TENM1: variants seen among roughly 807,000 people sequenced by gnomAD.
TENM1 encodes the protein teneurin-1.
In TENM1, 35 loss-of-function variants were observed where a neutral mutation model predicts 174.8. That is an observed-to-expected ratio of 0.20 (90% confidence interval 0.15 to 0.27). TENM1 has a LOEUF of 0.27. TENM1 is among the 10% of genes least tolerant of loss of function. The probability of loss-of-function intolerance (pLI) is 1.00; values close to 1 mark genes in which losing one functional copy is unlikely to be tolerated. For synonymous variants in TENM1, 781 were observed against 798.7 expected, an observed-to-expected ratio of 0.98 and a Z score of 0.37; for missense variants, 1,633 against 2,130.1, an observed-to-expected ratio of 0.77 and a Z score of 4.59.
At chrX:124,432,267 A>G (rs1054596241) in intron 23 of TENM1, among the ~76,000 whole-genome samples, 16 of 112,234 alleles carry the variant, frequency 1.4e-4, no homozygotes, top group African/African-American at 4.9e-4. Flanking sequence ...AAATTTGAAG[A>G]AGCTCAGACA....
At chrX:124,711,648 T>C (rs1182246608) in intron 4 of TENM1, among the ~76,000 whole-genome samples, 1 of 111,543 alleles carries the variant, frequency 9.0e-6, no homozygotes, top group Non-Finnish European at 1.9e-5. Context: ...TTGGATAGCA[T>C]AGTAGAATTT....
chrX:124,671,834 T>G (rs1250356564), exon 6 of TENM1: 2 of 1,209,194 alleles, frequency 1.7e-6, no homozygotes, highest in East Asian at 3.0e-5. Flanking sequence ...ACAAATGCAC[T>G]GCTGCAAGAG....
intron 8 of TENM1, among the ~76,000 whole-genome samples, chrX:124,649,953 G>A (rs1197385649): frequency 1.8e-5 from 2 of 110,573 alleles, no homozygotes; most frequent in African/African-American, 6.6e-5. Flanking sequence ...TGTAATCCCA[G>A]CAATTTGGGA....
chrX:124,616,575 G>C (rs1288821818), intron 11 of TENM1, among the ~76,000 whole-genome samples: 1 of 112,228 alleles, frequency 8.9e-6, no homozygotes, highest in Non-Finnish European at 1.9e-5. Flanking sequence ...TCCTCTTACA[G>C]AGCTTTAAGA....
intron 3 of TENM1, among the ~76,000 whole-genome samples, chrX:124,848,224 A>G (rs1425475470): frequency 9.0e-6 from 1 of 110,536 alleles, no homozygotes. Flanking sequence ...CTGAATGACT[A>G]CTCTAATTTA....
intron 6 of TENM1, among the ~76,000 whole-genome samples, chrX:124,666,243 T>A (rs1406643247): frequency 9.0e-6 from 1 of 111,497 alleles, no homozygotes; most frequent in Non-Finnish European, 1.9e-5. Flanking sequence ...CTTTTAGTAT[T>A]CTTTAGTTCT....
chrX:125,188,809 T>C, the TENM1 span, among the ~76,000 whole-genome samples: 1 of 112,251 alleles, frequency 8.9e-6, no homozygotes, highest in Non-Finnish European at 1.9e-5. Flanking sequence ...AACTGCCTGA[T>C]GTGCATTTTT....
intron 16 of TENM1, among the ~76,000 whole-genome samples, chrX:124,526,796 A>C (rs2047986999): frequency 8.9e-6 from 1 of 112,128 alleles, no homozygotes; most frequent in African/African-American, 3.2e-5. Flanking sequence ...TAAATGAATA[A>C]ACTTTTGCCT....
intron 18 of TENM1, among the ~76,000 whole-genome samples, chrX:124,518,880 T>G (rs1362183481): frequency 8.9e-6 from 1 of 112,116 alleles, no homozygotes; most frequent in Non-Finnish European, 1.9e-5. Flanking sequence ...TCAGCAACTT[T>G]CACGGCAGCC....
intron 23 of TENM1, among the ~76,000 whole-genome samples, chrX:124,431,551 T>G (rs2060779099): frequency 8.9e-6 from 1 of 112,028 alleles, no homozygotes; most frequent in Non-Finnish European, 1.9e-5. Flanking sequence ...TTAGCATCAC[T>G]TTTTGTCAGT....
intron 4 of TENM1, among the ~76,000 whole-genome samples, chrX:124,729,361 A>C (rs2053512367): frequency 8.9e-6 from 1 of 112,187 alleles, no homozygotes; most frequent in Non-Finnish European, 1.9e-5. Flanking sequence ...TCAGTTCTGA[A>C]AACAGCCCCA....
At chrX:124,772,119 C>T (rs1391675821) in intron 3 of TENM1, among the ~76,000 whole-genome samples, 1 of 109,967 alleles carries the variant, frequency 9.1e-6, no homozygotes, top group East Asian at 2.8e-4. Flanking sequence ...GGCAGGTGAA[C>T]CAAATCCCCT....
chrX:124,930,497 A>G (rs776512769), intron 1 of TENM1, among the ~76,000 whole-genome samples: 1 of 111,725 alleles, frequency 9.0e-6, no homozygotes, highest in African/African-American at 3.3e-5. Context: ...TTGTGTACCG[A>G]ATTGATACTC....
At chrX:124,590,246 A>C (rs1015687430) in intron 11 of TENM1, among the ~76,000 whole-genome samples, 5 of 111,648 alleles carry the variant, frequency 4.5e-5, no homozygotes, top group Non-Finnish European at 9.4e-5. Flanking sequence ...GTATCAGCCC[A>C]AAATCTCCTT....
chrX:124,967,032 C>T (rs1197535057), upstream of TENM1, among the ~76,000 whole-genome samples: 4 of 111,686 alleles, frequency 3.6e-5, no homozygotes, highest in Non-Finnish European at 7.5e-5. Context: ...AACTCTACTA[C>T]AAAGCAGAAT....
At chrX:124,769,523 T>C (rs1247360341) in intron 3 of TENM1, among the ~76,000 whole-genome samples, 2 of 111,808 alleles carry the variant, frequency 1.8e-5, no homozygotes, top group Non-Finnish European at 3.8e-5. Context: ...AATTAAATAA[T>C]TGAAGCCTAA....
At chrX:124,679,260 T>G (rs1168506491) in intron 5 of TENM1, among the ~76,000 whole-genome samples, 1 of 112,379 alleles carries the variant, frequency 8.9e-6, no homozygotes, top group Non-Finnish European at 1.9e-5. Context: ...GTCAGCATTC[T>G]CCCCCTACTA....
At chrX:124,901,826 A>G (rs2057669061) in intron 1 of TENM1, among the ~76,000 whole-genome samples, 1 of 111,616 alleles carries the variant, frequency 9.0e-6, no homozygotes, top group South Asian at 3.8e-4. Context: ...AGTGAGCTTT[A>G]AGGCATTATG....
At chrX:125,031,843 A>G in the TENM1 span, among the ~76,000 whole-genome samples, 1 of 112,056 alleles carries the variant, frequency 8.9e-6, no homozygotes, top group Admixed American at 9.5e-5. Context: ...TAGTACTTCA[A>G]AAATTTTAAA....
Sources: gnomAD v4.1 joint callset for allele counts (sites outside exome capture counted in the v4.1 genomes callset) on GRCh38, gnomAD v4.1.1 for gene constraint, MANE v1.5 for transcripts, NCBI Gene and HGNC (gene_info 2026-07-23, HGNC 2026-07-21) for gene names.